SLC2A14: variants seen among roughly 807,000 people sequenced by gnomAD.
SLC2A14 encodes solute carrier family 2 member 14, also known as solute carrier family 2, facilitated glucose transporter member 14.
A neutral mutation model predicts 43.0 loss-of-function variants in SLC2A14; 13 were observed. The observed-to-expected ratio is 0.30, with a 90% CI of 0.20 to 0.48. The LOEUF (loss-of-function observed/expected upper bound fraction) is 0.48. Ranked by LOEUF, SLC2A14 falls within the 20% of genes least tolerant of loss-of-function variation. The pLI is 0.99. For synonymous variants in SLC2A14, 190 were observed against 233.8 expected (o/e 0.81, Z 1.71); for missense variants, 428 against 620.4 (o/e 0.69, Z 3.29).
chr12:7,890,643 T>C (rs1184662751), intron 1 of SLC2A14, among the ~76,000 whole-genome samples: 1 of 152,180 alleles, frequency 6.6e-6, no homozygotes, highest in Non-Finnish European at 1.5e-5. Flanking sequence ...ATTGCTTTCC[T>C]TGGCAAAGAA....
At chr12:7,844,733 A>C (rs1033103292) in intron 2 of SLC2A14, among the ~76,000 whole-genome samples, 1 of 151,912 alleles carries the variant, frequency 6.6e-6, no homozygotes, top group Non-Finnish European at 1.5e-5. Flanking sequence ...GAGGGGTTTC[A>C]CCATATTGGC....
At chr12:7,864,020 G>A (rs1451365343) in intron 2 of SLC2A14, among the ~76,000 whole-genome samples, 1 of 151,688 alleles carries the variant, frequency 6.6e-6, no homozygotes, top group Non-Finnish European at 1.5e-5. Flanking sequence ...GTTTCACTGT[G>A]GTAGCCAGGA....
At chr12:7,875,120 A>AAATTAAAT (rs1945432989), upstream of SLC2A14, among the ~76,000 whole-genome samples, 1 of 4,642 alleles carries the variant, frequency 2.2e-4, no homozygotes, top group Non-Finnish European at 7.3e-4. Context: ...ATTATATTTA[A>AAATTAAAT]ATAGTTAAAT....
At chr12:7,845,101 C>T (rs55855341) in intron 2 of SLC2A14, among the ~76,000 whole-genome samples, 3 of 152,060 alleles carry the variant, frequency 2.0e-5, no homozygotes, top group African/African-American at 4.8e-5. Context: ...TTCATTTTTC[C>T]TTATACATTC....
chr12:7,823,818 C>T (rs2120709160), intron 7 of SLC2A14, among the ~76,000 whole-genome samples: 1 of 152,230 alleles, frequency 6.6e-6, no homozygotes, highest in South Asian at 2.1e-4. Context: ...GTTTATTTCA[C>T]CCAGAGTAGT....
intron 1 of SLC2A14, among the ~76,000 whole-genome samples, chr12:7,882,684 A>G (rs1328986694): frequency 1.3e-5 from 2 of 152,020 alleles, no homozygotes; most frequent in African/African-American, 4.8e-5. Flanking sequence ...TAAAAATACG[A>G]AAGTTAGTCC....
At position 7,828,789 on chromosome 12, in the gene SLC2A14, G is replaced by A. The variant is rs1359239353; in HGVS notation, c.591C>T (p.Ile197=). The A allele has an allele frequency of 1.9e-6, 3 of 1,614,046 alleles. No individual in the cohort carries two copies. The highest frequency in any genetic ancestry group is 2.2e-5 in the East Asian group (1 of 44,896). The part of the protein sequence containing the change: ...VLLGFTILPA[I]LQSAALPCCP... Reference sequence around the variant, plus strand: ...AACATGGAAGGGCTGCACTTTGCAGGATAGCTGGAAGGATGGTAAAGCCTA... The same window carrying A: ...AACATGGAAGGGCTGCACTTTGCAGAATAGCTGGAAGGATGGTAAAGCCTA... Residue 197 remains isoleucine (I), a synonymous_variant, in exon 6 of 11, where the codon ATC becomes ATT. Coordinates refer to ENST00000431042, the MANE Select transcript of SLC2A14 (RefSeq NM_001286234.2).
chr12:7,887,597 ATAGATAGATAGATAGT>A (rs144681997), intron 1 of SLC2A14, among the ~76,000 whole-genome samples: 5,831 of 141,242 alleles, frequency 0.041, 166 homozygotes, highest in South Asian at 0.079. Context: ...AGATAGATAG[ATAGATAGATAGATAGT>A]TAGATAGATA....
At chr12:7,836,089 C>T (rs911078523) in intron 2 of SLC2A14, among the ~76,000 whole-genome samples, 5 of 152,132 alleles carry the variant, frequency 3.3e-5, no homozygotes, top group African/African-American at 1.2e-4. Flanking sequence ...ATCCGTTCCA[C>T]ATCAGGGCTA....
intron 7 of SLC2A14, among the ~76,000 whole-genome samples, chr12:7,821,949 C>T (rs943877343): frequency 9.9e-5 from 15 of 151,810 alleles, no homozygotes; most frequent in Admixed American, 9.2e-4. Context: ...CTCAGCCTCC[C>T]AAGTAGCTGG....
At chr12:7,840,807 G>A (rs940733017) in intron 2 of SLC2A14, among the ~76,000 whole-genome samples, 2 of 152,154 alleles carry the variant, frequency 1.3e-5, no homozygotes, top group Admixed American at 6.6e-5. Flanking sequence ...CGGTCTAGAC[G>A]TTGAGCACAA....
At chr12:7,868,156 A>C (rs1195488586) in intron 2 of SLC2A14, among the ~76,000 whole-genome samples, 1 of 152,178 alleles carries the variant, frequency 6.6e-6, no homozygotes, top group Non-Finnish European at 1.5e-5. Context: ...TAGTAACCAC[A>C]ACCCTGATCA....
At chr12:7,858,962 T>A (rs948785081) in intron 2 of SLC2A14, among the ~76,000 whole-genome samples, 1 of 152,126 alleles carries the variant, frequency 6.6e-6, no homozygotes, top group African/African-American at 2.4e-5. Flanking sequence ...CCATTCTGAG[T>A]TAATTTTTGT....
At position 7,839,037 on chromosome 12, in the gene SLC2A14, G is replaced by C. The variant is rs937607245; in HGVS notation, c.19-6223C>G. Among the ~76,000 whole-genome samples the C allele has an allele frequency of 2.7e-5, 4 of 149,372 alleles. No homozygotes were observed. The East Asian group carries it at 7.8e-4, about 29-fold the overall frequency. On this transcript the variant is annotated intron_variant, in intron 2 of 10. Transcript: ENST00000431042. ...GAGAAACTAAGCCTGCTGGCACCTT[G>C]ATCTTGGATGTCCAGCATCTAGAAC...
At chr12:7,860,917 C>A (rs754060541) in intron 2 of SLC2A14, among the ~76,000 whole-genome samples, 115 of 152,024 alleles carry the variant, frequency 7.6e-4, no homozygotes, top group African/African-American at 2.7e-3. Context: ...CTCAGCCTCC[C>A]GAGTAGCTAG....
intron 10 of SLC2A14, among the ~76,000 whole-genome samples, chr12:7,817,540 G>A (rs1014724568): frequency 3.9e-5 from 6 of 151,988 alleles, no homozygotes; most frequent in African/African-American, 1.2e-4. Context: ...AGGCCAAGGC[G>A]GGCAGATTAC....
chr12:7,868,934 C>T (rs974752715), intron 2 of SLC2A14, among the ~76,000 whole-genome samples: 5 of 152,044 alleles, frequency 3.3e-5, no homozygotes, highest in African/African-American at 9.7e-5. Context: ...CACCTGAGGT[C>T]GGGAGTTCAA....
intron 1 of SLC2A14, among the ~76,000 whole-genome samples, chr12:7,883,594 T>TTTTTC (rs1945632299): frequency 1.1e-5 from 1 of 90,940 alleles, no homozygotes; most frequent in African/African-American, 3.8e-5. Flanking sequence ...TCTTTTCTTT[T>TTTTTC]TTTTTTTTTT....
In SLC2A14 at chr12:7,816,049, T is replaced by C. The variant is rs752585878; in HGVS notation, c.1276-1515A>G. On this transcript the variant is annotated intron_variant, in intron 10 of 10. Transcript: ENST00000431042. The stretch of plus-strand genomic sequence containing the variant: ...CCAAGTACCTGAGATTACAGGCGCC[T>C]GCCACCACACCCAGCTAATTTCTTG... 8.6e-5 allele frequency among the ~76,000 whole-genome samples: 13 copies of C among 151,248 alleles called. 1 individual carries two copies. The highest frequency in any genetic ancestry group is 1.6e-4 in the Non-Finnish European group (11 of 67,860).
Sources: gnomAD v4.1 joint callset for allele counts (sites outside exome capture counted in the v4.1 genomes callset) on GRCh38, gnomAD v4.1.1 for gene constraint, MANE v1.5 for transcripts, NCBI Gene and HGNC (gene_info 2026-07-23, HGNC 2026-07-21) for gene names.